ENTREP2: variants seen among roughly 807,000 people sequenced by gnomAD.
ENTREP2 encodes the protein protein ENTREP2.
chr15:29,488,036 A>C, the ENTREP2 span, among the ~76,000 whole-genome samples: 1 of 152,230 alleles, frequency 6.6e-6, no homozygotes, highest in Non-Finnish European at 1.5e-5. Context: ...TAAAGAAACA[A>C]GAAAATATGG....
the ENTREP2 span, among the ~76,000 whole-genome samples, chr15:29,480,650 C>T: frequency 2.6e-5 from 4 of 152,086 alleles, no homozygotes; most frequent in Admixed American, 6.6e-5. Flanking sequence ...AGAGGAGGAA[C>T]GTCTAGGAGG....
At chr15:29,145,343 C>T in the ENTREP2 span, among the ~76,000 whole-genome samples, 3 of 152,142 alleles carry the variant, frequency 2.0e-5, no homozygotes. Context: ...ACCCAACAGG[C>T]TGGACACGGT....
At chr15:29,645,971 T>C in the ENTREP2 span, among the ~76,000 whole-genome samples, 1 of 151,946 alleles carries the variant, frequency 6.6e-6, no homozygotes, top group African/African-American at 2.4e-5. Flanking sequence ...ATATGTGAGG[T>C]TTTTCCTGAC....
the ENTREP2 span, among the ~76,000 whole-genome samples, chr15:29,144,845 G>C: frequency 1.3e-4 from 20 of 151,902 alleles, no homozygotes. Context: ...TCCAAGACAA[G>C]CCTGCCCAAC....
chr15:29,537,939 G>A, the ENTREP2 span, among the ~76,000 whole-genome samples: 14 of 152,040 alleles, frequency 9.2e-5, no homozygotes, highest in African/African-American at 2.9e-4. Flanking sequence ...TCTGCAGGTC[G>A]CTACTGAAAA....
At chr15:29,449,780 T>A in the ENTREP2 span, among the ~76,000 whole-genome samples, 1 of 152,234 alleles carries the variant, frequency 6.6e-6, no homozygotes, top group East Asian at 1.9e-4. Context: ...TAGACAAACA[T>A]TTTGTAGAGT....
At chr15:29,403,017 G>C in the ENTREP2 span, among the ~76,000 whole-genome samples, 5 of 152,142 alleles carry the variant, frequency 3.3e-5, no homozygotes, top group Non-Finnish European at 7.3e-5. Context: ...TTCAGAACAG[G>C]TATGGAAAGG....
chr15:29,514,227 CT>C, the ENTREP2 span, among the ~76,000 whole-genome samples: 3 of 152,194 alleles, frequency 2.0e-5, no homozygotes, highest in African/African-American at 7.2e-5. Context: ...AACAACTCTC[CT>C]TTCCCCCTCC....
chr15:29,573,531 T>A, the ENTREP2 span, among the ~76,000 whole-genome samples: 1 of 152,210 alleles, frequency 6.6e-6, no homozygotes, highest in African/African-American at 2.4e-5. Context: ...TCAAAGTTAC[T>A]TTCCCCATAA....
At chr15:29,486,851 T>C in the ENTREP2 span, among the ~76,000 whole-genome samples, 220 of 151,990 alleles carry the variant, frequency 1.4e-3, 1 homozygote, top group African/African-American at 5.1e-3. Flanking sequence ...CTCATGGATA[T>C]AGAAAATTAG....
chr15:29,261,924 A>AT, the ENTREP2 span, among the ~76,000 whole-genome samples: 659 of 151,616 alleles, frequency 4.3e-3, 2 homozygotes, highest in African/African-American at 0.015. Context: ...CCAGAAATAA[A>AT]AAAAAAAAGA....
chr15:29,359,092 C>G, the ENTREP2 span, among the ~76,000 whole-genome samples: 1 of 152,002 alleles, frequency 6.6e-6, no homozygotes, highest in Non-Finnish European at 1.5e-5. Context: ...CAGTAATATC[C>G]CAACATCCAA....
the ENTREP2 span, among the ~76,000 whole-genome samples, chr15:29,184,491 G>C: frequency 3.3e-5 from 5 of 152,148 alleles, no homozygotes; most frequent in African/African-American, 1.2e-4. Context: ...CAATGGATCT[G>C]GCATTAAAGA....
chr15:29,258,400 A>G, the ENTREP2 span, among the ~76,000 whole-genome samples: 4 of 152,128 alleles, frequency 2.6e-5, no homozygotes, highest in Admixed American at 6.5e-5. Context: ...ACAGAAGCCA[A>G]CAAGAGACTA....
At chr15:29,347,054 C>G in the ENTREP2 span, among the ~76,000 whole-genome samples, 1 of 152,250 alleles carries the variant, frequency 6.6e-6, no homozygotes, top group Non-Finnish European at 1.5e-5. Flanking sequence ...AGAACCGCCT[C>G]ATACACACAG....
the ENTREP2 span, among the ~76,000 whole-genome samples, chr15:29,142,086 C>T: frequency 1.3e-5 from 2 of 152,360 alleles, no homozygotes; most frequent in Admixed American, 1.3e-4. Context: ...CAAGTCCAGG[C>T]AAGGCAGGTC....
the ENTREP2 span, among the ~76,000 whole-genome samples, chr15:29,670,000 G>C: frequency 6.6e-6 from 1 of 152,168 alleles, no homozygotes; most frequent in Admixed American, 6.5e-5. Flanking sequence ...TTTTCATCAT[G>C]AGTCAGAACT....
the ENTREP2 span, among the ~76,000 whole-genome samples, chr15:29,612,105 G>T: frequency 6.6e-6 from 1 of 152,090 alleles, no homozygotes. Flanking sequence ...TCCTCCTTCG[G>T]AGTCAGTAGA....
chr15:29,162,338 C>T, the ENTREP2 span, among the ~76,000 whole-genome samples: 2 of 152,180 alleles, frequency 1.3e-5, no homozygotes, highest in Non-Finnish European at 2.9e-5. Flanking sequence ...GGGCGCAAAT[C>T]TGGTGTGCAG....
Sources: gnomAD v4.1 joint callset for allele counts (sites outside exome capture counted in the v4.1 genomes callset) on GRCh38, gnomAD v4.1.1 for gene constraint, MANE v1.5 for transcripts, NCBI Gene and HGNC (gene_info 2026-07-23, HGNC 2026-07-21) for gene names.